MYT1L: variants seen among roughly 807,000 people sequenced by gnomAD.
MYT1L encodes the protein myelin transcription factor 1 like.
MYT1L carries 12 observed loss-of-function variants against 126.7 expected under a neutral mutation model. The ratio of observed to expected loss-of-function variants is 0.09; its 90% CI spans 0.06 to 0.15. MYT1L has a LOEUF of 0.15. Among genes scored for constraint, MYT1L ranks in the 10% least tolerant of loss-of-function variants. The pLI is 1.00. For missense variants in MYT1L, 979 were observed against 1,585.2 expected (o/e 0.62, Z 6.49); for synonymous variants, 541 against 604.2 (o/e 0.90, Z 1.53).
intron 2 of MYT1L, among the ~76,000 whole-genome samples, chr2:2,218,885 C>G (rs2093770551): frequency 6.6e-6 from 1 of 152,126 alleles, no homozygotes; most frequent in Non-Finnish European, 1.5e-5. Context: ...GATGGGTTCC[C>G]AGCATTCCTC....
intron 18 of MYT1L, among the ~76,000 whole-genome samples, chr2:1,884,642 A>G (rs942900658): frequency 2.0e-5 from 3 of 152,262 alleles, no homozygotes; most frequent in Non-Finnish European, 4.4e-5. Context: ...TAAGAAATTC[A>G]GTCAAGTTCA....
intron 14 of MYT1L, 31 bp from the exon 15 acceptor site, chr2:1,892,318 C>A: frequency 1.3e-6 from 2 of 1,541,032 alleles, no homozygotes; most frequent in Non-Finnish European, 1.8e-6. Context: ...ATGACTCAGG[C>A]CCCGGCCGCA....
rs147945208 is a variant in MYT1L, at chr2:2,111,160, G to A, written c.-303-57037C>T. On this transcript the variant is annotated intron_variant, in intron 3 of 24. Coordinates refer to ENST00000647738, the MANE Select transcript of MYT1L (RefSeq NM_001303052.2). ...AGGAGGCCTGGGAGAGTACCCCAGCGTCAGCACAGCCTAGCCCTGCTCACT... is the reference window on the plus strand; with the variant it reads ...AGGAGGCCTGGGAGAGTACCCCAGCATCAGCACAGCCTAGCCCTGCTCACT... Among the ~76,000 whole-genome samples the A allele has an allele frequency of 3.5e-3, 529 of 152,292 alleles. 2 individuals are homozygous for A. Among genetic ancestry groups the A allele is most frequent in the Non-Finnish European group, 5.5e-3 (375 of 68,034 alleles).
intron 2 of MYT1L, among the ~76,000 whole-genome samples, chr2:2,205,012 A>G (rs937795851): frequency 2.7e-4 from 41 of 151,088 alleles, no homozygotes; most frequent in Non-Finnish European, 5.5e-4. Context: ...TAGCGCAAGG[A>G]CAAAAAACCA....
intron 14 of MYT1L, among the ~76,000 whole-genome samples, chr2:1,896,537 G>T (rs1425936259): frequency 6.6e-6 from 1 of 152,220 alleles, no homozygotes; most frequent in Non-Finnish European, 1.5e-5. Context: ...CATGTCATTT[G>T]CAGTAACATG....
intron 14 of MYT1L, among the ~76,000 whole-genome samples, chr2:1,892,520 T>C (rs1031510101): frequency 4.3e-4 from 65 of 150,760 alleles, no homozygotes; most frequent in African/African-American, 1.5e-3. Context: ...TTTTTTTTTT[T>C]TTTGCCCTGG....
intron 10 of MYT1L, among the ~76,000 whole-genome samples, chr2:1,919,598 C>T (rs1320762346): frequency 6.6e-6 from 1 of 152,170 alleles, no homozygotes; most frequent in Admixed American, 6.5e-5. Flanking sequence ...TACAAGTGTT[C>T]TCTCCATTTT....
chr2:2,092,765 A>C (rs2077025712), intron 3 of MYT1L, among the ~76,000 whole-genome samples: 1 of 152,228 alleles, frequency 6.6e-6, no homozygotes, highest in African/African-American at 2.4e-5. Flanking sequence ...ACTTAGAAAC[A>C]CTAGACAGAA....
At chr2:2,203,116 C>T (rs1052738226) in intron 2 of MYT1L, among the ~76,000 whole-genome samples, 35 of 148,794 alleles carry the variant, frequency 2.4e-4, no homozygotes, top group Admixed American at 1.4e-3. Flanking sequence ...ATTGATGGGA[C>T]GTATCTCAAA....
At chr2:2,057,009 A>G (rs534240303) in intron 3 of MYT1L, among the ~76,000 whole-genome samples, 1 of 152,112 alleles carries the variant, frequency 6.6e-6, no homozygotes, top group African/African-American at 2.4e-5. Flanking sequence ...GATCCCATGC[A>G]CCCGTCTCAG....
intron 3 of MYT1L, among the ~76,000 whole-genome samples, chr2:2,079,562 G>C (rs529729717): frequency 6.6e-6 from 1 of 152,140 alleles, no homozygotes; most frequent in African/African-American, 2.4e-5. Flanking sequence ...TCCCAGCACT[G>C]TGGGAGGCCA....
rs146960389 is a variant in MYT1L, at chr2:2,154,260, T to C, written c.-304+18612A>G. On this transcript the variant is annotated intron_variant, in intron 3 of 24. Coordinates refer to ENST00000647738, the MANE Select transcript of MYT1L (RefSeq NM_001303052.2). The stretch of plus-strand genomic sequence containing the variant: ...GGATTTGAAACCCACTCACCATCTG[T>C]TGGGTGAGCTACTTTACCTGAATGA... Among the ~76,000 whole-genome samples the C allele has an allele frequency of 1.4e-4, 21 of 152,266 alleles. No individual in the cohort carries two copies. The East Asian group carries it at 3.5e-3, about 25-fold the overall frequency.
rs551425937 is a variant in MYT1L, at chr2:1,791,683, A to G, written c.*184T>C. 124 of 574,402 alleles carry G rather than the reference A, an allele frequency of 2.2e-4. 2 individuals carry two copies. In the South Asian group the frequency reaches 3.6e-3, roughly 17 times the overall value. The allele number at this position is 574,402 out of a possible 1,614,324, so 35.6% of individuals were successfully genotyped here. A position where few individuals can be genotyped will look rare whatever the true frequency, so the allele number is the denominator to read the frequency against. On this transcript the variant is annotated 3_prime_UTR_variant, in exon 25 of 25. Coordinates refer to ENST00000647738, the MANE Select transcript of MYT1L (RefSeq NM_001303052.2). This position sits in a 1 kb window ranked among gnomAD's most constrained non-coding sequence, Gnocchi z 6.0. ...ATGGAAACGTACAAAATGTGGGTGT[A>G]TTCAAAAACTATTCTGCAGGTACTA...
intron 2 of MYT1L, among the ~76,000 whole-genome samples, chr2:2,182,012 C>T (rs983819305): frequency 6.6e-6 from 1 of 152,198 alleles, no homozygotes; most frequent in Non-Finnish European, 1.5e-5. Context: ...TCCACCCTGG[C>T]AGTCACCTCC....
intron 3 of MYT1L, among the ~76,000 whole-genome samples, chr2:2,065,346 A>G (rs1365726378): frequency 6.6e-6 from 1 of 152,230 alleles, no homozygotes; most frequent in Admixed American, 6.5e-5. Context: ...CAAAGTCACA[A>G]ATATATTCAA....
At position 1,922,857 on chromosome 2, in the gene MYT1L, C is replaced by T; in HGVS notation, c.912G>A (p.Lys304=). The T allele has an allele frequency of 6.2e-7, 1 of 1,614,012 alleles. No homozygotes were observed. The highest frequency in any genetic ancestry group is 8.5e-7 in the Non-Finnish European group (1 of 1,179,902). The change falls in exon 10 of 25, where the codon AAG becomes AAA. Residue 304 remains lysine (K), a synonymous_variant. Coordinates refer to ENST00000647738, the MANE Select transcript of MYT1L (RefSeq NM_001303052.2). The surrounding 1 kb of genome is among the most constrained non-coding windows in gnomAD (Gnocchi z 7.4). ...TTTCCATGAGTCCGTTGTTCATGGG[C>T]TTCCCCAACATGACGTAATTCATAT... is the stretch of plus-strand genomic sequence containing the variant. The part of the protein sequence containing the change: ...SRNMNYVMLG[K]PMNNGLMEKM...
chr2:1,856,552 T>C (rs1290734565), intron 18 of MYT1L, among the ~76,000 whole-genome samples: 2 of 152,194 alleles, frequency 1.3e-5, no homozygotes, highest in Non-Finnish European at 2.9e-5. Context: ...TTCCCTCCCA[T>C]TTACAAAACC....
At chr2:2,100,471 T>A (rs1252237869) in intron 3 of MYT1L, among the ~76,000 whole-genome samples, 2 of 152,186 alleles carry the variant, frequency 1.3e-5, no homozygotes, top group Non-Finnish European at 2.9e-5. Context: ...ATTACTGATG[T>A]GTATTTCTGT....
At chr2:2,306,227 A>T (rs1394268401) in intron 1 of MYT1L, 2 of 152,186 alleles carry the variant, frequency 1.3e-5, no homozygotes, top group East Asian at 3.9e-4. Flanking sequence ...CACTCTCATC[A>T]TTAACATTGA....
Sources: gnomAD v4.1 joint callset for allele counts (sites outside exome capture counted in the v4.1 genomes callset) on GRCh38, gnomAD v4.1.1 for gene constraint, Gnocchi (gnomAD v3.1) non-coding constraint, MANE v1.5 for transcripts, NCBI Gene and HGNC (gene_info 2026-07-23, HGNC 2026-07-21) for gene names.